Variants in EIF3H observed in about 807,000 individuals in gnomAD.
EIF3H encodes the protein eIF-3-gamma.
In EIF3H, 26 loss-of-function variants were observed where a neutral mutation model predicts 44.2. That is an observed-to-expected ratio of 0.59 (90% confidence interval 0.43 to 0.82). The LOEUF (loss-of-function observed/expected upper bound fraction) is 0.82, where lower values mean the gene tolerates loss of function less well. Ranked by LOEUF, EIF3H falls within the 40% of genes least tolerant of loss-of-function variation. The pLI, the probability that EIF3H is intolerant of heterozygous loss-of-function variation, is 0.00. For missense variants in EIF3H, 359 were observed against 432.8 expected, an observed-to-expected ratio of 0.83 and a Z score of 1.51; for synonymous variants, 166 against 151.9, an observed-to-expected ratio of 1.09 and a Z score of -0.68.
chr8:116,744,061 CAAAG>C (rs1248103200), intron 1 of EIF3H, among the ~76,000 whole-genome samples: 1 of 151,474 alleles, frequency 6.6e-6, no homozygotes, highest in Non-Finnish European at 1.5e-5. Flanking sequence ...GTTATAAATT[CAAAG>C]AACTAAGTAA....
In EIF3H at chr8:116,726,248, A is replaced by G. The variant is rs893251428; in HGVS notation, c.133-76T>C. ...TTTCCTTTATTTCTAAGAAAAAACA[A>G]AAGAAACTGTACTAGGTTTGCAAAA... On this transcript the variant is annotated intron_variant, in intron 1 of 7. Coordinates refer to ENST00000521861, the MANE Select transcript of EIF3H (RefSeq NM_003756.3). 5 of 1,486,996 alleles carry G rather than the reference A, an allele frequency of 3.4e-6. No homozygotes were observed. The Admixed American group carries it at 7.0e-5, about 21-fold the overall frequency. 92.1% of individuals were successfully genotyped at this position (1,486,996 alleles called of 1,614,324 possible). A position where few individuals can be genotyped will look rare whatever the true frequency, so the allele number is the denominator to read the frequency against.
intron 2 of EIF3H, among the ~76,000 whole-genome samples, chr8:116,719,155 C>T (rs1814703156): frequency 6.6e-6 from 1 of 152,136 alleles, no homozygotes; most frequent in African/African-American, 2.4e-5. Context: ...TTTGTGAGGA[C>T]AACGGATTGA....
chr8:116,661,899 C>T (rs772460066), intron 2 of EIF3H, among the ~76,000 whole-genome samples: 4 of 152,124 alleles, frequency 2.6e-5, no homozygotes, highest in Admixed American at 2.0e-4. Context: ...AGCCTATAGC[C>T]GTGTGGAGAT....
intron 1 of EIF3H, among the ~76,000 whole-genome samples, chr8:116,752,707 A>AGAAAGAAG (rs1815365339): frequency 7.3e-6 from 1 of 137,320 alleles, no homozygotes; most frequent in Admixed American, 7.4e-5. Flanking sequence ...AAAGAAAGAA[A>AGAAAGAAG]GAAAGAAAGA....
intron 2 of EIF3H, among the ~76,000 whole-genome samples, chr8:116,691,703 C>T (rs1940409205): frequency 6.6e-6 from 1 of 151,940 alleles, no homozygotes; most frequent in African/African-American, 2.4e-5. Flanking sequence ...GGCGAAAGCC[C>T]GTCTCTACTA....
At chr8:116,713,835 C>A (rs567782691) in intron 2 of EIF3H, among the ~76,000 whole-genome samples, 1 of 152,078 alleles carries the variant, frequency 6.6e-6, no homozygotes, top group South Asian at 2.1e-4. Flanking sequence ...TACTACGTAA[C>A]AAAAAGATGA....
chr8:116,675,891 AG>A (rs2130827050), intron 2 of EIF3H, among the ~76,000 whole-genome samples: 1 of 152,360 alleles, frequency 6.6e-6, no homozygotes, highest in African/African-American at 2.4e-5. Context: ...AAAGCATTCT[AG>A]AAAACACATA....
chr8:116,694,066 C>T (rs925566646), intron 2 of EIF3H, among the ~76,000 whole-genome samples: 2 of 152,092 alleles, frequency 1.3e-5, no homozygotes, highest in African/African-American at 4.8e-5. Context: ...GTATGTATAT[C>T]ACTTTACATA....
intron 1 of EIF3H, among the ~76,000 whole-genome samples, chr8:116,743,809 C>A (rs1421760115): frequency 0.024 from 2,204 of 90,226 alleles, 64 homozygotes; most frequent in African/African-American, 0.12. Flanking sequence ...AACACACACA[C>A]ACACACACAC....
At chr8:116,724,125 C>T (rs1425036678) in intron 2 of EIF3H, among the ~76,000 whole-genome samples, 1 of 152,098 alleles carries the variant, frequency 6.6e-6, no homozygotes, top group Non-Finnish European at 1.5e-5. Context: ...TGGAATAAAA[C>T]AAAGAGCCCA....
intron 2 of EIF3H, among the ~76,000 whole-genome samples, chr8:116,686,699 T>G (rs1362416446): frequency 6.6e-6 from 1 of 151,342 alleles, no homozygotes; most frequent in Non-Finnish European, 1.5e-5. Flanking sequence ...GCAAAGGGGA[T>G]GACTGTGGGG....
At chr8:116,672,244 T>C (rs1327142109) in intron 2 of EIF3H, among the ~76,000 whole-genome samples, 31 of 152,248 alleles carry the variant, frequency 2.0e-4, no homozygotes, top group Admixed American at 2.0e-3. Context: ...AAAACTAGTA[T>C]TCCATAGAGA....
At chr8:116,714,156 G>A (rs892640700) in intron 2 of EIF3H, among the ~76,000 whole-genome samples, 4 of 152,080 alleles carry the variant, frequency 2.6e-5, no homozygotes, top group Admixed American at 6.6e-5. Flanking sequence ...ATATTAGTTT[G>A]TTCTTGATTT....
At chr8:116,714,233 C>A (rs929919969) in intron 2 of EIF3H, among the ~76,000 whole-genome samples, 23 of 152,090 alleles carry the variant, frequency 1.5e-4, no homozygotes, top group South Asian at 1.2e-3. Flanking sequence ...TCAAAAGACA[C>A]AACTTTCTTG....
At position 116,711,390 on chromosome 8, in the gene EIF3H, GTTTTA is replaced by G. The variant is rs1321534163; in HGVS notation, c.289+14621_289+14625del. On this transcript the variant is annotated intron_variant, in intron 2 of 7. Transcript: ENST00000521861. The stretch of plus-strand genomic sequence containing the variant: ...TCTTCTAGTACTGAATCTTTTTAAT[GTTTTA>G]TTTTATCTTTTTTCATGGGGTTGGT... Among the ~76,000 whole-genome samples, 4 of 152,104 alleles carry G rather than the reference GTTTTA, an allele frequency of 2.6e-5. No individual in the cohort carries two copies. In the South Asian group the frequency reaches 6.2e-4, roughly 24 times the overall value.
rs564100276 is a variant in EIF3H at position 116,705,089 on chromosome 8, T to C, written c.289+20927A>G. Among the ~76,000 whole-genome samples the C allele has an allele frequency of 3.3e-5, 5 of 152,364 alleles. No individual in the cohort carries two copies. The South Asian group carries it at 1.0e-3, about 32-fold the overall frequency. The stretch of plus-strand genomic sequence containing the variant: ...TGTAGTGCTTATTATCTACAAAGAA[T>C]GTTCTTCAACATCTAATTCATACTC... On this transcript the variant is annotated intron_variant, in intron 2 of 7. Coordinates refer to ENST00000521861, the MANE Select transcript of EIF3H (RefSeq NM_003756.3).
chr8:116,760,854 T>C (rs1402524657), intron 1 of EIF3H, among the ~76,000 whole-genome samples: 1 of 152,218 alleles, frequency 6.6e-6, no homozygotes, highest in Non-Finnish European at 1.5e-5. Flanking sequence ...TTTTGTTAAA[T>C]ATAAATAGTG....
intron 2 of EIF3H, among the ~76,000 whole-genome samples, chr8:116,705,497 C>T (rs985117562): frequency 2.3e-5 from 3 of 129,090 alleles, no homozygotes; most frequent in South Asian, 4.9e-4. Flanking sequence ...TTACACCCCC[C>T]CCCACCACCA....
At chr8:116,667,932 T>C (rs1813695158) in intron 2 of EIF3H, among the ~76,000 whole-genome samples, 1 of 152,192 alleles carries the variant, frequency 6.6e-6, no homozygotes, top group Non-Finnish European at 1.5e-5. Context: ...TTAAAAAACC[T>C]TCCTACAAGC....
Sources: gnomAD v4.1 joint callset for allele counts (sites outside exome capture counted in the v4.1 genomes callset) on GRCh38, gnomAD v4.1.1 for gene constraint, MANE v1.5 for transcripts, NCBI Gene and HGNC (gene_info 2026-07-23, HGNC 2026-07-21) for gene names.